Variants in LMF1 observed in about 807,000 individuals in gnomAD.
The protein encoded by LMF1 is transmembrane protein 112.
A neutral mutation model predicts 60.6 loss-of-function variants in LMF1; 68 were observed. The ratio of observed to expected loss-of-function variants is 1.12; its 90% CI spans 0.92 to 1.37. The LOEUF is 1.37. LMF1 is among the 40% of genes most tolerant of loss of function. The pLI is 0.00. For missense variants in LMF1, 948 were observed against 767.2 expected, an observed-to-expected ratio of 1.24 and a Z score of -2.78; for synonymous variants, 418 against 324.7, an observed-to-expected ratio of 1.29 and a Z score of -3.09.
intron 1 of LMF1, among the ~76,000 whole-genome samples, chr16:968,051 C>T (rs953957007): frequency 3.9e-5 from 6 of 152,260 alleles, no homozygotes; most frequent in African/African-American, 1.4e-4. Flanking sequence ...GCATGCCCGA[C>T]ACCCCAGGAC....
chr16:976,745 T>A (rs1345967016), intron 1 of LMF1: 10 of 453,988 alleles, frequency 2.2e-5, no homozygotes, highest in Non-Finnish European at 4.4e-5. Flanking sequence ...GGAGCACAGC[T>A]GTTCCCGACA....
At chr16:900,005 G>C (rs2070765775) in intron 4 of LMF1, 1 of 152,280 alleles carries the variant, frequency 6.6e-6, no homozygotes, top group Non-Finnish European at 1.5e-5. Context: ...TGTAAAGAGA[G>C]ATGTGGGGCT....
intron 5 of LMF1, among the ~76,000 whole-genome samples, chr16:887,552 G>A (rs1046334730): frequency 3.3e-5 from 5 of 152,176 alleles, no homozygotes; most frequent in African/African-American, 4.8e-5. Flanking sequence ...TCCCTGGGGG[G>A]CGTCCACAGC....
At chr16:870,587 C>G (rs2151700671) in intron 8 of LMF1, 142 bp downstream of exon 8, 1 of 970,332 alleles carries the variant, frequency 1.0e-6, no homozygotes, top group Non-Finnish European at 1.6e-6. Context: ...ACAGCACGGC[C>G]TGTGCCTGGG....
At chr16:976,491 G>A (rs762044412) in intron 1 of LMF1, 16 of 453,992 alleles carry the variant, frequency 3.5e-5, no homozygotes, top group Non-Finnish European at 6.6e-5. Context: ...TCCCTCGACG[G>A]AAGGTGACGC....
intron 1 of LMF1, chr16:968,465 T>C (rs1368703880): frequency 2.6e-5 from 4 of 152,338 alleles, no homozygotes; most frequent in Non-Finnish European, 1.5e-5. Flanking sequence ...AGAGCCCCTA[T>C]GGCAACTTGG....
Position 874,518 on chromosome 16 carries a change from C to G in LMF1, c.898-3177G>C, listed in dbSNP as rs967784476. Among the ~76,000 whole-genome samples, 1 of 152,186 alleles carries G rather than the reference C, an allele frequency of 6.6e-6. No individual in the cohort carries two copies. Among genetic ancestry groups the G allele is most frequent in the Admixed American group, 6.5e-5 (1 of 15,282 alleles). On this transcript the variant is annotated intron_variant, in intron 6 of 10. Transcript: ENST00000262301. This position sits in a 1 kb window ranked among gnomAD's most constrained non-coding sequence, Gnocchi z 4.1. ...CTCCCGTGGGGTGCTGGCTGGGCGGCCGGGCTCTGCGGTCACTGCTCTTGT... is the reference window on the plus strand; with the variant it reads ...CTCCCGTGGGGTGCTGGCTGGGCGGGCGGGCTCTGCGGTCACTGCTCTTGT...
At chr16:860,998 A>G (rs1411911731) in intron 10 of LMF1, among the ~76,000 whole-genome samples, 1 of 148,796 alleles carries the variant, frequency 6.7e-6, no homozygotes, top group Non-Finnish European at 1.5e-5. Context: ...GTCCTTACCT[A>G]TTAACACATC....
intron 10 of LMF1, among the ~76,000 whole-genome samples, chr16:861,586 C>T (rs1237125409): frequency 3.3e-5 from 5 of 152,010 alleles, no homozygotes; most frequent in Non-Finnish European, 2.9e-5. Flanking sequence ...GAACTCCCGA[C>T]CTCAGGTGAC....
chr16:957,306 G>T (rs920136128), intron 1 of LMF1, among the ~76,000 whole-genome samples: 1 of 152,224 alleles, frequency 6.6e-6, no homozygotes, highest in African/African-American at 2.4e-5. Flanking sequence ...AACTGTGCAT[G>T]CTGGTTTGGA....
At chr16:928,969 G>A (rs2071691682) in intron 3 of LMF1, among the ~76,000 whole-genome samples, 1 of 152,210 alleles carries the variant, frequency 6.6e-6, no homozygotes, top group Admixed American at 6.5e-5. Flanking sequence ...CTGGCAAAGT[G>A]GCCCAGGAGC....
chr16:960,557 A>C (rs2072807837), intron 1 of LMF1, among the ~76,000 whole-genome samples: 1 of 137,592 alleles, frequency 7.3e-6, no homozygotes, highest in Non-Finnish European at 1.6e-5. Context: ...ACCCAGACAC[A>C]GACTCACGGT....
chr16:952,564 C>T lies in LMF1; in HGVS notation c.503+1793G>A, dbSNP rs138205655. 920 of 153,402 alleles carry T rather than the reference C, an allele frequency of 6.0e-3. 15 individuals carry two copies. Among genetic ancestry groups the T allele is most frequent in the African/African-American group, 0.015 (630 of 41,532 alleles). 9.5% of individuals were successfully genotyped at this position (153,402 alleles called of 1,614,324 possible). ...CCACAGCCCAAGGCTGCGCCCTGCCCGCACCAACTCACCACCACAGCCTTC... is the reference window on the plus strand; with the variant it reads ...CCACAGCCCAAGGCTGCGCCCTGCCTGCACCAACTCACCACCACAGCCTTC... On this transcript the variant is annotated intron_variant, in intron 2 of 10. Transcript: ENST00000262301.
At chr16:967,334 C>T (rs1324680502) in intron 1 of LMF1, among the ~76,000 whole-genome samples, 2 of 152,228 alleles carry the variant, frequency 1.3e-5, no homozygotes, top group African/African-American at 2.4e-5. Context: ...ACAACGTCGA[C>T]GCACGACCCT....
upstream of LMF1, among the ~76,000 whole-genome samples, chr16:973,076 C>G (rs995913026): frequency 3.3e-5 from 5 of 152,174 alleles, no homozygotes; most frequent in African/African-American, 1.2e-4. Flanking sequence ...ATCCAGGAGC[C>G]GGGCGCCTGT....
chr16:943,094 G>A (rs191434791), intron 2 of LMF1, among the ~76,000 whole-genome samples: 16 of 152,248 alleles, frequency 1.1e-4, no homozygotes, highest in South Asian at 4.1e-4. Context: ...AGTCTCGGCC[G>A]GGCACGGTGG....
rs1189825375 is a variant in LMF1, at chr16:874,433, C to A, written c.898-3092G>T. ...GACCTGAGCTCACCCCCTGCCCCTC[C>A]CGCCCTGGCAGTCCGGGGCTGCGTC... On this transcript the variant is annotated intron_variant, in intron 6 of 10. Transcript: ENST00000262301. The surrounding 1 kb of genome is among the most constrained non-coding windows in gnomAD (Gnocchi z 4.1). Among the ~76,000 whole-genome samples the A allele has an allele frequency of 6.6e-6, 1 of 152,194 alleles. No homozygotes were observed. Among genetic ancestry groups the A allele is most frequent in the Non-Finnish European group, 1.5e-5 (1 of 68,028 alleles).
intron 10 of LMF1, 117 bp downstream of exon 10, chr16:868,827 C>G: frequency 4.5e-6 from 3 of 669,570 alleles, no homozygotes; most frequent in Admixed American, 2.2e-5. Context: ...CCTGCCTCTG[C>G]GGGAGGGAAG....
intron 4 of LMF1, among the ~76,000 whole-genome samples, chr16:896,265 G>A (rs547895390): frequency 0.015 from 2,282 of 151,628 alleles, 19 homozygotes; most frequent in Non-Finnish European, 0.025. Flanking sequence ...CACACGCCTC[G>A]GAGGGGTTGT....
Sources: allele counts gnomAD v4.1 joint callset (sites outside exome capture counted in the v4.1 genomes callset), GRCh38; gene constraint gnomAD v4.1.1; non-coding constraint Gnocchi (gnomAD v3.1); transcripts MANE v1.5; gene names NCBI Gene and HGNC (gene_info 2026-07-23, HGNC 2026-07-21).